EYS: variants seen among roughly 807,000 people sequenced by gnomAD.
The protein encoded by EYS is EGF-like photoreceptor maintenance factor, also known as protein eyes shut homolog.
Under a neutral mutation model 282.1 loss-of-function variants are expected in EYS, and 250 were observed. The observed-to-expected ratio is 0.89, with a 90% CI of 0.80 to 0.98. EYS has a LOEUF of 0.98. Ranked by LOEUF, EYS falls within the 50% of genes least tolerant of loss-of-function variation. The probability of loss-of-function intolerance (pLI) is 0.00; values close to 1 mark genes in which losing one functional copy is unlikely to be tolerated. For missense variants in EYS, 4,016 were observed against 3,709.0 expected (o/e 1.08, Z -2.15); for synonymous variants, 1,355 against 1,282.9 (o/e 1.06, Z -1.20).
chr6:65,008,335 C>T (rs980061420), intron 13 of EYS, among the ~76,000 whole-genome samples: 4 of 151,676 alleles, frequency 2.6e-5, no homozygotes, highest in African/African-American at 9.7e-5. Flanking sequence ...CAGCTGCAGA[C>T]ATTAGAAAAA....
chr6:65,181,999 A>G (rs1250205940), intron 12 of EYS, among the ~76,000 whole-genome samples: 2 of 151,942 alleles, frequency 1.3e-5, no homozygotes, highest in Non-Finnish European at 2.9e-5. Context: ...ATAGGTGGGA[A>G]TTGAACAATG....
At chr6:64,323,693 T>G (rs1354093022) in intron 29 of EYS, among the ~76,000 whole-genome samples, 1 of 152,124 alleles carries the variant, frequency 6.6e-6, no homozygotes, top group Non-Finnish European at 1.5e-5. Flanking sequence ...ACATCAAAAC[T>G]ACCTTTAATT....
At chr6:64,735,778 G>A (rs1261820820) in intron 22 of EYS, among the ~76,000 whole-genome samples, 2 of 152,088 alleles carry the variant, frequency 1.3e-5, no homozygotes, top group Non-Finnish European at 2.9e-5. Flanking sequence ...TATTGATGAA[G>A]TTGTTAGGTA....
chr6:64,580,175 C>G (rs1655084753), intron 26 of EYS, among the ~76,000 whole-genome samples: 1 of 152,080 alleles, frequency 6.6e-6, no homozygotes, highest in South Asian at 2.1e-4. Flanking sequence ...AGATGACATA[C>G]AGCCTTTCTG....
At chr6:65,627,243 T>C (rs1766735855) in intron 2 of EYS, among the ~76,000 whole-genome samples, 1 of 152,172 alleles carries the variant, frequency 6.6e-6, no homozygotes, top group Non-Finnish European at 1.5e-5. Flanking sequence ...TCACTTGTGA[T>C]ACCATGAAAG....
chr6:65,364,939 T>A (rs2150336940), intron 8 of EYS, among the ~76,000 whole-genome samples: 1 of 151,792 alleles, frequency 6.6e-6, no homozygotes, highest in East Asian at 1.9e-4. Context: ...GTCAAACATT[T>A]TTGGTACAAT....
intron 5 of EYS, among the ~76,000 whole-genome samples, chr6:65,456,059 G>GAAAC (rs1764598682): frequency 6.6e-6 from 1 of 151,344 alleles, no homozygotes; most frequent in Non-Finnish European, 1.5e-5. Flanking sequence ...AAGAAAGAAA[G>GAAAC]AAGGAAAGAG....
chr6:65,564,554 G>T (rs186282720), intron 2 of EYS, among the ~76,000 whole-genome samples: 53 of 152,176 alleles, frequency 3.5e-4, no homozygotes, highest in East Asian at 2.3e-3. Flanking sequence ...ATGGTGTTGG[G>T]AAAACTGGCT....
chr6:65,265,617 G>T (rs562073312), intron 12 of EYS, among the ~76,000 whole-genome samples: 56 of 152,092 alleles, frequency 3.7e-4, no homozygotes, highest in African/African-American at 1.3e-3. Flanking sequence ...AAGTGCAAAA[G>T]AAATTATATG....
chr6:64,293,987 T>C (rs766237170), intron 30 of EYS, among the ~76,000 whole-genome samples: 1 of 152,150 alleles, frequency 6.6e-6, no homozygotes, highest in Non-Finnish European at 1.5e-5. Flanking sequence ...TATGTGATAA[T>C]AAAATTTTTG....
At chr6:63,787,999 C>G (rs1770409111) in intron 39 of EYS, 106 bp downstream of exon 39, 3 of 801,616 alleles carry the variant, frequency 3.7e-6, no homozygotes, top group Non-Finnish European at 3.7e-6. Flanking sequence ...AGTCTGAAAG[C>G]AATCCATATA....
At chr6:65,354,918 A>G (rs985679036) in intron 8 of EYS, among the ~76,000 whole-genome samples, 8 of 152,162 alleles carry the variant, frequency 5.3e-5, no homozygotes, top group Admixed American at 2.0e-4. Context: ...ATTTTATGAT[A>G]TATTTCCAAG....
chr6:63,917,598 T>C (rs1316658753), intron 35 of EYS, among the ~76,000 whole-genome samples: 1 of 152,200 alleles, frequency 6.6e-6, no homozygotes, highest in Non-Finnish European at 1.5e-5. Context: ...GGAAAAATTG[T>C]GGATAAAATG....
chr6:64,798,606 G>GTT (rs1562197501), intron 22 of EYS, among the ~76,000 whole-genome samples: 3 of 115,368 alleles, frequency 2.6e-5, no homozygotes, highest in Non-Finnish European at 3.6e-5. Context: ...CTTTGTTTCT[G>GTT]GTTTTTTTTT....
chr6:64,943,972 CA>C (rs1769189311), intron 15 of EYS, among the ~76,000 whole-genome samples: 1 of 151,924 alleles, frequency 6.6e-6, no homozygotes, highest in Non-Finnish European at 1.5e-5. Context: ...CTACAGTAAC[CA>C]AAAACAGCAT....
At chr6:65,656,554 A>C (rs1602234) in intron 1 of EYS, among the ~76,000 whole-genome samples, 121,294 of 151,822 alleles carry the variant, frequency 0.8, 48,702 homozygotes, top group East Asian at 0.85. Flanking sequence ...CTCTTCAATT[A>C]CGTGAAGACA....
chr6:64,108,556 G>T lies in EYS; in HGVS notation c.6425-26554C>A, dbSNP rs77927848. Among the ~76,000 whole-genome samples, 942 of 136,838 alleles carry T rather than the reference G, an allele frequency of 6.9e-3. 5 individuals carry two copies. The highest frequency in any genetic ancestry group is 0.018 in the Middle Eastern group (4 of 226). The allele number at this position is 136,838 out of a possible 152,430, so 89.8% of individuals were successfully genotyped here. ...AAGATAGCTGAATCTTTAAGCCTCC[G>T]TAAAAGGAAAGCAATTTTCTGAATG... On this transcript the variant is annotated intron_variant, in intron 31 of 42. Transcript: ENST00000503581.
At chr6:65,267,255 A>G (rs1439520185) in intron 12 of EYS, among the ~76,000 whole-genome samples, 1 of 151,926 alleles carries the variant, frequency 6.6e-6, no homozygotes, top group Non-Finnish European at 1.5e-5. Flanking sequence ...CTTGATATTA[A>G]TTCTGCAATT....
chr6:64,710,401 G>A (rs1285158824), intron 22 of EYS, among the ~76,000 whole-genome samples: 1 of 152,182 alleles, frequency 6.6e-6, no homozygotes, highest in African/African-American at 2.4e-5. Flanking sequence ...CACCTGCATA[G>A]GGCACCAATT....
Sources: gnomAD v4.1 joint callset for allele counts (sites outside exome capture counted in the v4.1 genomes callset) on GRCh38, gnomAD v4.1.1 for gene constraint, MANE v1.5 for transcripts, NCBI Gene and HGNC (gene_info 2026-07-23, HGNC 2026-07-21) for gene names.